The following GRIN3A variants were observed in gnomAD, a reference collection of about 807,000 sequenced individuals.
GRIN3A encodes glutamate ionotropic receptor NMDA type subunit 3A.
GRIN3A carries 47 observed loss-of-function variants against 92.4 expected under a neutral mutation model. The ratio of observed to expected loss-of-function variants is 0.51; its 90% CI spans 0.40 to 0.65. GRIN3A has a LOEUF of 0.65. GRIN3A is among the 30% of genes least tolerant of loss of function. The pLI is 0.00. For synonymous variants in GRIN3A, 527 were observed against 540.6 expected, an observed-to-expected ratio of 0.97 and a Z score of 0.35; for missense variants, 1,324 against 1,393.1, an observed-to-expected ratio of 0.95 and a Z score of 0.79.
intron 5 of GRIN3A, among the ~76,000 whole-genome samples, chr9:101,616,613 A>T (rs1344371660): frequency 6.6e-6 from 1 of 151,758 alleles, no homozygotes; most frequent in Admixed American, 6.6e-5. Flanking sequence ...ACACATCTCA[A>T]GCCTTTTTCT....
intron 3 of GRIN3A, among the ~76,000 whole-genome samples, chr9:101,642,936 A>C (rs1395607291): frequency 1.3e-5 from 2 of 152,154 alleles, no homozygotes; most frequent in African/African-American, 4.8e-5. Context: ...CAGGGCTCCC[A>C]CTGATTCTAC....
Position 101,569,667 on chromosome 9 carries a change from G to C in GRIN3A, c.*3507C>G, listed in dbSNP as rs1311275336. On this transcript the variant is annotated 3_prime_UTR_variant, in exon 9 of 9. Transcript: ENST00000361820. ...CTGGATTAGATGGATAGTTTAGGTG[G>C]GTAAAGAAAGGAATAACTAAACAGT... 6.6e-6 allele frequency: 1 copy of C among 152,114 alleles called. No homozygotes were observed. The highest frequency in any genetic ancestry group is 1.9e-4 in the East Asian group (1 of 5,194). 9.4% of individuals were successfully genotyped at this position (152,114 alleles called of 1,614,324 possible). A position where few individuals can be genotyped will look rare whatever the true frequency, so the allele number is the denominator to read the frequency against.
rs182766467 is a variant in GRIN3A at position 101,642,133 on chromosome 9, C to T, written c.2353-13732G>A. Among the ~76,000 whole-genome samples the T allele has an allele frequency of 2.2e-3, 338 of 152,108 alleles. 2 individuals carry two copies. The highest frequency in any genetic ancestry group is 7.3e-3 in the African/African-American group (302 of 41,512). ...GGTATTGGCATAAAAACAAACACAT[C>T]GACCAATGGAACAGAATAGAGAACC... On this transcript the variant is annotated intron_variant, in intron 3 of 8. Coordinates refer to ENST00000361820, the MANE Select transcript of GRIN3A (RefSeq NM_133445.3).
At chr9:101,683,462 T>G (rs555214039) in intron 2 of GRIN3A, among the ~76,000 whole-genome samples, 6 of 152,322 alleles carry the variant, frequency 3.9e-5, no homozygotes, top group Non-Finnish European at 8.8e-5. Flanking sequence ...AAGACTGTAT[T>G]AAACAAAATA....
chr9:101,588,165 A>C (rs1220223225), intron 6 of GRIN3A, among the ~76,000 whole-genome samples: 1 of 152,214 alleles, frequency 6.6e-6, no homozygotes, highest in African/African-American at 2.4e-5. Context: ...TGGAATTAAA[A>C]CATATATATT....
chr9:101,701,981 A>G (rs1249436424), intron 1 of GRIN3A, among the ~76,000 whole-genome samples: 2 of 151,872 alleles, frequency 1.3e-5, no homozygotes, highest in African/African-American at 4.8e-5. Context: ...TTTTCAGTAC[A>G]AGCCTGAGAT....
At chr9:101,673,171 G>A (rs1235016287) in intron 2 of GRIN3A, among the ~76,000 whole-genome samples, 4 of 152,058 alleles carry the variant, frequency 2.6e-5, no homozygotes, top group African/African-American at 7.2e-5. Flanking sequence ...TTAACTGGAT[G>A]GACCCTTGAG....
intron 5 of GRIN3A, among the ~76,000 whole-genome samples, chr9:101,619,829 A>G (rs1222536814): frequency 2.0e-5 from 3 of 152,210 alleles, no homozygotes; most frequent in African/African-American, 7.2e-5. Flanking sequence ...CACAAATTGG[A>G]GACACGTATT....
chr9:101,619,761 T>G (rs985465440), intron 5 of GRIN3A, among the ~76,000 whole-genome samples: 2 of 152,256 alleles, frequency 1.3e-5, no homozygotes, highest in African/African-American at 2.4e-5. Flanking sequence ...ACATCATTAT[T>G]GTGCAGTTAC....
chr9:101,676,428 A>C (rs983797996), intron 2 of GRIN3A, among the ~76,000 whole-genome samples: 1 of 152,010 alleles, frequency 6.6e-6, no homozygotes. Flanking sequence ...ATCATTAAAC[A>C]TATCAATATC....
intron 3 of GRIN3A, among the ~76,000 whole-genome samples, chr9:101,651,838 A>G (rs1829019301): frequency 6.6e-6 from 1 of 152,050 alleles, no homozygotes; most frequent in African/African-American, 2.4e-5. Flanking sequence ...ATCAAAGCAT[A>G]AATCCTGAAT....
chr9:101,576,750 TGA>T (rs1219093788), intron 8 of GRIN3A, among the ~76,000 whole-genome samples: 3 of 152,050 alleles, frequency 2.0e-5, no homozygotes, highest in African/African-American at 7.2e-5. Context: ...TACCACAGAC[TGA>T]GAGGGGAGGG....
intron 3 of GRIN3A, among the ~76,000 whole-genome samples, chr9:101,655,730 T>C (rs111805568): frequency 3.3e-5 from 5 of 152,000 alleles, no homozygotes; most frequent in African/African-American, 1.2e-4. Context: ...AGGGAATCAA[T>C]TGAGGTGATG....
chr9:101,622,995 A>AACACACACACACACACACAC (rs5899450), intron 5 of GRIN3A, among the ~76,000 whole-genome samples: 115 of 147,532 alleles, frequency 7.8e-4, no homozygotes, highest in African/African-American at 2.7e-3. Flanking sequence ...CCTGCCACTA[A>AACACACACACACACACACAC]ACACACACAC....
chr9:101,599,624 C>G (rs552495523), intron 6 of GRIN3A, among the ~76,000 whole-genome samples: 38 of 152,224 alleles, frequency 2.5e-4, no homozygotes, highest in African/African-American at 8.4e-4. Flanking sequence ...AAACCAGGAG[C>G]CTTGATGGCA....
intron 3 of GRIN3A, among the ~76,000 whole-genome samples, chr9:101,654,558 C>T (rs1282470367): frequency 6.6e-6 from 1 of 151,688 alleles, no homozygotes; most frequent in Non-Finnish European, 1.5e-5. Flanking sequence ...ATCCACACAG[C>T]TCTTCCTATC....
intron 5 of GRIN3A, 84 bp from the exon 6 acceptor site, chr9:101,613,611 C>T: frequency 7.6e-7 from 1 of 1,314,118 alleles, no homozygotes; most frequent in Non-Finnish European, 1.1e-6. Flanking sequence ...GTGATACTGC[C>T]ATCAGACCAA....
chr9:101,655,810 G>A (rs1022561612), intron 3 of GRIN3A, among the ~76,000 whole-genome samples: 1 of 151,926 alleles, frequency 6.6e-6, no homozygotes, highest in East Asian at 1.9e-4. Context: ...TGTCATATTA[G>A]TGAAGCAAAA....
chr9:101,719,501 G>T (rs1829986316), intron 1 of GRIN3A, among the ~76,000 whole-genome samples: 1 of 151,936 alleles, frequency 6.6e-6, no homozygotes, highest in Admixed American at 6.6e-5. Context: ...AAGTCAGTTA[G>T]GAGCCATTGA....
Sources: gnomAD v4.1 joint callset for allele counts (sites outside exome capture counted in the v4.1 genomes callset) on GRCh38, gnomAD v4.1.1 for gene constraint, MANE v1.5 for transcripts, NCBI Gene and HGNC (gene_info 2026-07-23, HGNC 2026-07-21) for gene names.